LRRC37A2: variants seen among roughly 807,000 people sequenced by gnomAD.
LRRC37A2 encodes the protein leucine rich repeat containing 37 member A2.
LRRC37A2 carries 9 observed loss-of-function variants against 68.8 expected under a neutral mutation model. That is an observed-to-expected ratio of 0.13 (90% CI 0.08 to 0.23). LRRC37A2 has a LOEUF of 0.23. Ranked by LOEUF, LRRC37A2 falls within the 10% of genes least tolerant of loss-of-function variation. The pLI is 1.00. For missense variants in LRRC37A2, 168 were observed against 950.4 expected (o/e 0.18, Z 10.82); for synonymous variants, 63 against 367.6 (o/e 0.17, Z 9.48).
At chr17:46,742,488 G>C in the LRRC37A2 span, among the ~76,000 whole-genome samples, 1 of 152,336 alleles carries the variant, frequency 6.6e-6, no homozygotes, top group Non-Finnish European at 1.5e-5. Context: ...TGATGAAGGA[G>C]AACTAGCAAG....
the LRRC37A2 span, among the ~76,000 whole-genome samples, chr17:46,847,683 G>A: frequency 1.3e-4 from 20 of 152,148 alleles, no homozygotes; most frequent in African/African-American, 4.6e-4. Flanking sequence ...AGCTGCTGGG[G>A]CATCATCTGT....
At chr17:46,940,953 C>T in the LRRC37A2 span, 6 of 1,243,056 alleles carry the variant, frequency 4.8e-6, no homozygotes, top group Non-Finnish European at 6.1e-6. Flanking sequence ...GTGTGACTCT[C>T]TCCACCGCCT....
chr17:46,493,295 G>A, the LRRC37A2 span, among the ~76,000 whole-genome samples: 1 of 132,552 alleles, frequency 7.5e-6, no homozygotes, highest in Non-Finnish European at 1.6e-5. Context: ...AAGTAACTGG[G>A]ATTGCAAGTG....
At chr17:46,862,000 C>A in the LRRC37A2 span, among the ~76,000 whole-genome samples, 1 of 151,828 alleles carries the variant, frequency 6.6e-6, no homozygotes, top group Non-Finnish European at 1.5e-5. Flanking sequence ...CCCATCTCTA[C>A]TAAAAATACA....
At chr17:46,821,349 C>T in the LRRC37A2 span, 1 of 152,276 alleles carries the variant, frequency 6.6e-6, no homozygotes, top group Non-Finnish European at 1.5e-5. Context: ...TCCTTTCCCC[C>T]AGGTGTCCTT....
At chr17:47,026,549 G>A in the LRRC37A2 span, among the ~76,000 whole-genome samples, 1 of 152,176 alleles carries the variant, frequency 6.6e-6, no homozygotes, top group African/African-American at 2.4e-5. Flanking sequence ...AGCCACTTCT[G>A]GAGAGTTTAT....
At chr17:46,773,055 G>A in the LRRC37A2 span, among the ~76,000 whole-genome samples, 8,816 of 152,140 alleles carry the variant, frequency 0.058, 1,392 homozygotes, top group East Asian at 0.6. Flanking sequence ...GGGCCTGCAG[G>A]TTCAAAGTCA....
chr17:46,864,371 C>T, the LRRC37A2 span, among the ~76,000 whole-genome samples: 1 of 152,164 alleles, frequency 6.6e-6, no homozygotes, highest in African/African-American at 2.4e-5. Flanking sequence ...CATACCAGGC[C>T]CTCTCCTTTG....
At chr17:46,806,790 AC>A in the LRRC37A2 span, among the ~76,000 whole-genome samples, 1 of 152,162 alleles carries the variant, frequency 6.6e-6, no homozygotes, top group Non-Finnish European at 1.5e-5. Flanking sequence ...TTGTGAGGAC[AC>A]CTTGCTGGGT....
At chr17:46,883,226 C>T in the LRRC37A2 span, among the ~76,000 whole-genome samples, 3 of 151,816 alleles carry the variant, frequency 2.0e-5, no homozygotes, top group Non-Finnish European at 4.4e-5. Flanking sequence ...TCGTGATCCG[C>T]CCACCTCAGC....
chr17:46,809,911 C>T, the LRRC37A2 span, among the ~76,000 whole-genome samples: 4 of 152,160 alleles, frequency 2.6e-5, no homozygotes, highest in African/African-American at 9.7e-5. Flanking sequence ...ATATCAACTC[C>T]TCAAGCTCAG....
At chr17:47,046,220 T>C in the LRRC37A2 span, among the ~76,000 whole-genome samples, 3 of 135,956 alleles carry the variant, frequency 2.2e-5, no homozygotes, top group Non-Finnish European at 4.8e-5. Flanking sequence ...GGTGCAAGCC[T>C]ATACTCCCAG....
the LRRC37A2 span, among the ~76,000 whole-genome samples, chr17:46,924,068 A>T: frequency 1.3e-5 from 2 of 152,186 alleles, no homozygotes; most frequent in African/African-American, 4.8e-5. Flanking sequence ...CATCACTACG[A>T]TCCATTTCCA....
At chr17:46,635,818 T>TGTGTGTGC in the LRRC37A2 span, among the ~76,000 whole-genome samples, 70 of 138,424 alleles carry the variant, frequency 5.1e-4, 4 homozygotes, top group East Asian at 3.3e-3. Context: ...TGTGTGTGTG[T>TGTGTGTGC]GCTCGTGTGT....
chr17:46,867,729 G>A, the LRRC37A2 span, among the ~76,000 whole-genome samples: 1 of 152,208 alleles, frequency 6.6e-6, no homozygotes. Context: ...GAAAGGAGGT[G>A]GGGAAGGAGG....
the LRRC37A2 span, chr17:47,017,325 G>A: frequency 1.2e-6 from 2 of 1,603,418 alleles, no homozygotes; most frequent in South Asian, 1.1e-5. Flanking sequence ...GTGGGTCAAG[G>A]ACCCGCTCCA....
chr17:46,903,056 C>T, the LRRC37A2 span, among the ~76,000 whole-genome samples: 2 of 152,064 alleles, frequency 1.3e-5, no homozygotes, highest in Admixed American at 6.6e-5. Flanking sequence ...CCAAGGCAGG[C>T]GGATCACTTG....
At chr17:46,833,174 C>T in the LRRC37A2 span, 1 of 367,340 alleles carries the variant, frequency 2.7e-6, no homozygotes, top group Admixed American at 3.4e-5. Context: ...TGAGGAGTGA[C>T]ATGGTGCTCT....
the LRRC37A2 span, among the ~76,000 whole-genome samples, chr17:46,933,882 C>T: frequency 2.0e-5 from 3 of 151,308 alleles, no homozygotes; most frequent in Non-Finnish European, 2.9e-5. Context: ...GAGAAGATCA[C>T]TTAAGCCTGG....
Sources: allele counts gnomAD v4.1 joint callset (sites outside exome capture counted in the v4.1 genomes callset), GRCh38; gene constraint gnomAD v4.1.1; transcripts MANE v1.5; gene names NCBI Gene and HGNC (gene_info 2026-07-23, HGNC 2026-07-21).